IL1RAPL1: variants seen among roughly 807,000 people sequenced by gnomAD.
IL1RAPL1 encodes the protein interleukin-1 receptor accessory protein-like 1.
In IL1RAPL1, 3 loss-of-function variants were observed where a neutral mutation model predicts 48.4. That is an observed-to-expected ratio of 0.06 (90% CI 0.03 to 0.16). The LOEUF (loss-of-function observed/expected upper bound fraction) is 0.16, where lower values mean the gene tolerates loss of function less well. Ranked by LOEUF, IL1RAPL1 falls within the 10% of genes least tolerant of loss-of-function variation. The pLI, the probability that IL1RAPL1 is intolerant of heterozygous loss-of-function variation, is 1.00. For synonymous variants in IL1RAPL1, 185 were observed against 187.7 expected, an observed-to-expected ratio of 0.99 and a Z score of 0.12; for missense variants, 349 against 530.6, an observed-to-expected ratio of 0.66 and a Z score of 3.36.
In IL1RAPL1 at chrX:28,740,095, C is replaced by T. The variant is rs182162420; in HGVS notation, c.-24-49225C>T. Reference sequence around the variant, plus strand: ...ATTTCAACAGCATACTCATTAATATCGTAGAAATCTTACCTGGTTCAAAAA... The same window carrying T: ...ATTTCAACAGCATACTCATTAATATTGTAGAAATCTTACCTGGTTCAAAAA... On this transcript the variant is annotated intron_variant, in intron 1 of 10. Transcript: ENST00000378993. Among the ~76,000 whole-genome samples, 28 of 110,743 alleles carry T rather than the reference C, an allele frequency of 2.5e-4. No homozygotes were observed. The East Asian group carries it at 8.0e-3, about 32-fold the overall frequency.
chrX:29,767,494 A>G (rs1928943624), intron 6 of IL1RAPL1, among the ~76,000 whole-genome samples: 1 of 112,214 alleles, frequency 8.9e-6, no homozygotes, highest in Non-Finnish European at 1.9e-5. Flanking sequence ...AAACATGGGC[A>G]AAATCAATAC....
chrX:29,582,349 CTTT>C (rs66537814), intron 5 of IL1RAPL1, among the ~76,000 whole-genome samples: 19 of 88,990 alleles, frequency 2.1e-4, no homozygotes, highest in African/African-American at 8.9e-4. Context: ...AAGATAGCAT[CTTT>C]TTTTTTTTAT....
chrX:29,341,049 A>G (rs1364927119), intron 3 of IL1RAPL1, among the ~76,000 whole-genome samples: 2 of 112,372 alleles, frequency 1.8e-5, no homozygotes, highest in Non-Finnish European at 3.8e-5. Context: ...TCAATGTTCT[A>G]ATTATTATTG....
At chrX:29,258,354 A>G (rs1386420882) in intron 2 of IL1RAPL1, among the ~76,000 whole-genome samples, 1 of 111,765 alleles carries the variant, frequency 8.9e-6, no homozygotes, top group East Asian at 2.8e-4. Flanking sequence ...CACGTCACAA[A>G]AAAACAAGGT....
rs1038038303 is a variant in IL1RAPL1 at position 28,610,556 on chromosome X, A to G, written c.-25+22509A>G. On this transcript the variant is annotated intron_variant, in intron 1 of 10. Coordinates refer to ENST00000378993, the MANE Select transcript of IL1RAPL1 (RefSeq NM_014271.4). ...GGAGGAGTTTATACATGGAAAGTATATCGGTAGCAGTTAGCATCATTTTGT... is the reference window on the plus strand; with the variant it reads ...GGAGGAGTTTATACATGGAAAGTATGTCGGTAGCAGTTAGCATCATTTTGT... Among the ~76,000 whole-genome samples, 13 of 112,525 alleles carry G rather than the reference A, an allele frequency of 1.2e-4. No homozygotes were observed. In the Admixed American group the frequency reaches 1.2e-3, roughly 11 times the overall value.
intron 1 of IL1RAPL1, among the ~76,000 whole-genome samples, chrX:28,712,067 C>A (rs1448519733): frequency 9.0e-6 from 1 of 111,356 alleles, no homozygotes; most frequent in East Asian, 2.8e-4. Context: ...GGGCTGAAGC[C>A]TCCAGATGCC....
chrX:29,821,976 A>T (rs1295903318), intron 6 of IL1RAPL1, among the ~76,000 whole-genome samples: 1 of 112,192 alleles, frequency 8.9e-6, no homozygotes, highest in African/African-American at 3.2e-5. Flanking sequence ...GGAGTGCAAC[A>T]TTTAAGTATC....
chrX:29,602,320 A>G (rs1374028061), intron 5 of IL1RAPL1, among the ~76,000 whole-genome samples: 2 of 111,973 alleles, frequency 1.8e-5, no homozygotes, highest in Non-Finnish European at 3.8e-5. Flanking sequence ...TGCTCTTCAC[A>G]TTAGAGGCCA....
At chrX:29,004,162 A>C (rs987993429) in intron 2 of IL1RAPL1, among the ~76,000 whole-genome samples, 3 of 112,318 alleles carry the variant, frequency 2.7e-5, no homozygotes, top group Non-Finnish European at 5.6e-5. Context: ...AGAAAAAAAA[A>C]AGATGAAGAT....
intron 5 of IL1RAPL1, among the ~76,000 whole-genome samples, chrX:29,610,957 T>G (rs1484480602): frequency 1.8e-5 from 2 of 112,579 alleles, no homozygotes; most frequent in African/African-American, 6.5e-5. Flanking sequence ...CTACAAACCA[T>G]GAATTCTCAT....
At chrX:29,705,337 C>G (rs1332528480) in intron 6 of IL1RAPL1, among the ~76,000 whole-genome samples, 3 of 111,414 alleles carry the variant, frequency 2.7e-5, no homozygotes, top group Non-Finnish European at 5.6e-5. Flanking sequence ...TCCTCAGCCT[C>G]CCAAGTAGCC....
At chrX:29,391,770 C>T (rs726880) in intron 3 of IL1RAPL1, among the ~76,000 whole-genome samples, 1 of 111,536 alleles carries the variant, frequency 9.0e-6, no homozygotes, top group African/African-American at 3.3e-5. Flanking sequence ...AGGTATATAG[C>T]GTCTATGTGT....
intron 2 of IL1RAPL1, among the ~76,000 whole-genome samples, chrX:29,154,619 C>A (rs1268771449): frequency 9.0e-6 from 1 of 111,110 alleles, no homozygotes; most frequent in Non-Finnish European, 1.9e-5. Flanking sequence ...ATAATTTATA[C>A]TATTTTTTCT....
chrX:29,649,264 C>T (rs1925437496), intron 5 of IL1RAPL1, among the ~76,000 whole-genome samples: 1 of 111,831 alleles, frequency 8.9e-6, no homozygotes, highest in Non-Finnish European at 1.9e-5. Context: ...CAGCATTACA[C>T]TGATACCAAA....
At chrX:28,725,511 G>A (rs990497466) in intron 1 of IL1RAPL1, among the ~76,000 whole-genome samples, 1 of 111,914 alleles carries the variant, frequency 8.9e-6, no homozygotes, top group African/African-American at 3.3e-5. Context: ...GCATGGGATA[G>A]GGATTGTATG....
At chrX:29,858,079 A>T (rs1189298975) in intron 6 of IL1RAPL1, among the ~76,000 whole-genome samples, 1 of 111,670 alleles carries the variant, frequency 9.0e-6, no homozygotes, top group Non-Finnish European at 1.9e-5. Flanking sequence ...TCCTTATGCC[A>T]AAGTGGCATA....
At chrX:29,635,021 C>T (rs1377963029) in intron 5 of IL1RAPL1, among the ~76,000 whole-genome samples, 1 of 110,724 alleles carries the variant, frequency 9.0e-6, no homozygotes, top group Non-Finnish European at 1.9e-5. Context: ...AATATTATGG[C>T]ATAAATCCCC....
intron 6 of IL1RAPL1, among the ~76,000 whole-genome samples, chrX:29,849,385 A>T (rs563300830): frequency 9.0e-6 from 1 of 111,576 alleles, no homozygotes; most frequent in East Asian, 2.8e-4. Flanking sequence ...AGGTGCTGGG[A>T]TACCTGGTGA....
At chrX:29,909,772 T>C (rs1251171376) in intron 6 of IL1RAPL1, among the ~76,000 whole-genome samples, 1 of 111,851 alleles carries the variant, frequency 8.9e-6, no homozygotes. Context: ...TAACAGATGC[T>C]GGCAAGGTTG....
Sources: gnomAD v4.1 joint callset for allele counts (sites outside exome capture counted in the v4.1 genomes callset) on GRCh38, gnomAD v4.1.1 for gene constraint, MANE v1.5 for transcripts, NCBI Gene and HGNC (gene_info 2026-07-23, HGNC 2026-07-21) for gene names.